PACSIN2: variants seen among roughly 807,000 people sequenced by gnomAD.
The protein encoded by PACSIN2 is protein kinase C and casein kinase substrate in neurons protein 2.
PACSIN2 carries 25 observed loss-of-function variants against 63.8 expected under a neutral mutation model. That is an observed-to-expected ratio of 0.39 (90% confidence interval 0.29 to 0.55). PACSIN2 has a LOEUF of 0.55. Ranked by LOEUF, PACSIN2 falls within the 20% of genes least tolerant of loss-of-function variation. The pLI is 0.62. For synonymous variants in PACSIN2, 255 were observed against 256.2 expected (o/e 1.00, Z 0.05); for missense variants, 518 against 646.9 (o/e 0.80, Z 2.16).
In PACSIN2 at chr22:42,896,996, C is replaced by T. The variant is rs115963142; in HGVS notation, c.61-3383G>A. Among the ~76,000 whole-genome samples the T allele has an allele frequency of 4.9e-3, 738 of 152,050 alleles. 1 individual carries two copies. Among genetic ancestry groups the T allele is most frequent in the African/African-American group, 0.016 (645 of 41,452 alleles). On this transcript the variant is annotated intron_variant, in intron 2 of 10. Transcript: ENST00000263246. ...TTGTTGCCCAGGCTAGAGTGCAGTG[C>T]CACAATCATGGCTCACTGTGGCCTT...
chr22:42,929,306 G>C (rs11090125), intron 1 of PACSIN2, among the ~76,000 whole-genome samples: 3,426 of 152,326 alleles, frequency 0.022, 127 homozygotes, highest in African/African-American at 0.079. Flanking sequence ...TATGCTACAA[G>C]TCCTGCCCAC....
chr22:42,911,915 G>A (rs1195123908), intron 2 of PACSIN2, 106 bp downstream of exon 2: 9 of 759,058 alleles, frequency 1.2e-5, no homozygotes, highest in Admixed American at 2.6e-5. Context: ...GGCTGGTTTG[G>A]GGGTATGTTC....
intron 1 of PACSIN2, 28 bp from the exon 2 acceptor site, chr22:42,912,185 G>T: frequency 2.7e-6 from 2 of 729,734 alleles, no homozygotes; most frequent in Non-Finnish European, 2.2e-6. Context: ...ATAACATAGT[G>T]GTTTTTAAAT....
intron 1 of PACSIN2, among the ~76,000 whole-genome samples, chr22:42,928,371 G>A (rs1932670056): frequency 6.6e-6 from 1 of 152,228 alleles, no homozygotes; most frequent in African/African-American, 2.4e-5. Context: ...GGAAAGAAAA[G>A]AAGGTGTTCA....
chr22:42,969,341 C>T (rs748946778), intron 1 of PACSIN2, among the ~76,000 whole-genome samples: 2 of 152,038 alleles, frequency 1.3e-5, no homozygotes, highest in African/African-American at 2.4e-5. Flanking sequence ...TAATCTGTAA[C>T]CTCATTTCAA....
At chr22:42,948,914 A>G (rs1381700374) in intron 1 of PACSIN2, among the ~76,000 whole-genome samples, 1 of 152,254 alleles carries the variant, frequency 6.6e-6, no homozygotes, top group African/African-American at 2.4e-5. Flanking sequence ...TTGGAAAAAC[A>G]AACAGGGAAC....
intron 2 of PACSIN2, among the ~76,000 whole-genome samples, chr22:42,906,008 GGCAACACCAGCCAA>G (rs1413029430): frequency 1.1e-4 from 17 of 152,248 alleles, no homozygotes; most frequent in Non-Finnish European, 2.1e-4. Context: ...ACCAGGCCCT[GGCAACACCAGCCAA>G]GCAACACCTG....
chr22:42,950,404 A>ACAGG (rs1933630587), intron 1 of PACSIN2, among the ~76,000 whole-genome samples: 1 of 922 alleles, frequency 1.1e-3, no homozygotes, highest in South Asian at 0.029. Context: ...GATTAGGCTG[A>ACAGG]GAGGGAGGGA....
chr22:42,872,078 G>C (rs1186112191), intron 10 of PACSIN2, among the ~76,000 whole-genome samples: 1 of 152,236 alleles, frequency 6.6e-6, no homozygotes, highest in Admixed American at 6.5e-5. Flanking sequence ...TCTCCCTGTG[G>C]CTCTAATGTA....
intron 2 of PACSIN2, among the ~76,000 whole-genome samples, chr22:42,902,608 C>CT (rs140086907): frequency 0.025 from 3,770 of 149,886 alleles, 151 homozygotes; most frequent in African/African-American, 0.088. Context: ...TCTGTCAGTT[C>CT]TTTTTTTTTT....
chr22:42,904,958 C>T (rs940480502), intron 2 of PACSIN2, among the ~76,000 whole-genome samples: 2 of 152,158 alleles, frequency 1.3e-5, no homozygotes, highest in Non-Finnish European at 2.9e-5. Context: ...ATGAGCACTA[C>T]GGACCCCACC....
chr22:42,934,630 G>C (rs1932855193), intron 1 of PACSIN2, among the ~76,000 whole-genome samples: 2 of 152,210 alleles, frequency 1.3e-5, no homozygotes, highest in Non-Finnish European at 2.9e-5. Flanking sequence ...GCAAGGCCCA[G>C]TTTGAGTGTC....
At chr22:42,962,844 TCAGA>T (rs1920927893) in intron 1 of PACSIN2, among the ~76,000 whole-genome samples, 2 of 147,962 alleles carry the variant, frequency 1.4e-5, no homozygotes, top group Admixed American at 1.4e-4. Flanking sequence ...TAGGAAGTCA[TCAGA>T]CCAGATCTCC....
chr22:43,000,103 C>T (rs713717), intron 1 of PACSIN2, among the ~76,000 whole-genome samples: 61,750 of 152,166 alleles, frequency 0.41, 13,000 homozygotes, highest in Non-Finnish European at 0.45. Flanking sequence ...TCCTTACTAA[C>T]AACAGCTCAC....
At chr22:42,912,926 T>A (rs1386861461) in intron 1 of PACSIN2, among the ~76,000 whole-genome samples, 2 of 152,204 alleles carry the variant, frequency 1.3e-5, no homozygotes, top group Non-Finnish European at 2.9e-5. Context: ...AAGCCTTAGC[T>A]TAGCAACAGG....
chr22:42,989,526 G>C (rs534619496), intron 1 of PACSIN2, among the ~76,000 whole-genome samples: 73 of 149,030 alleles, frequency 4.9e-4, no homozygotes, highest in African/African-American at 1.8e-3. Flanking sequence ...GCCAGGTGTG[G>C]TGGTTCACAC....
At chr22:42,941,947 T>C (rs1424592983) in intron 1 of PACSIN2, among the ~76,000 whole-genome samples, 1 of 152,162 alleles carries the variant, frequency 6.6e-6, no homozygotes, top group African/African-American at 2.4e-5. Context: ...CAGCTAATTT[T>C]TGTATTTTTA....
intron 1 of PACSIN2, among the ~76,000 whole-genome samples, chr22:42,933,432 C>G (rs896022620): frequency 3.9e-5 from 6 of 152,184 alleles, no homozygotes; most frequent in African/African-American, 1.4e-4. Context: ...AAAGTGGAAG[C>G]CTCAATTCAA....
intron 1 of PACSIN2, among the ~76,000 whole-genome samples, chr22:42,920,501 C>G (rs1178100375): frequency 1.3e-5 from 2 of 152,158 alleles, no homozygotes; most frequent in Admixed American, 6.5e-5. Context: ...TTTAGTGTCA[C>G]TTTTTGGAAA....
Sources: allele counts gnomAD v4.1 joint callset (sites outside exome capture counted in the v4.1 genomes callset), GRCh38; gene constraint gnomAD v4.1.1; transcripts MANE v1.5; gene names NCBI Gene and HGNC (gene_info 2026-07-23, HGNC 2026-07-21).